Variants in ESCO1 observed in about 807,000 individuals in gnomAD.
ESCO1 encodes establishment of sister chromatid cohesion N-acetyltransferase 1.
A neutral mutation model predicts 83.5 loss-of-function variants in ESCO1; 33 were observed. The ratio of observed to expected loss-of-function variants is 0.40; its 90% CI spans 0.30 to 0.53. ESCO1 has a LOEUF of 0.53. Among genes scored for constraint, ESCO1 ranks in the 20% least tolerant of loss-of-function variants. The probability of loss-of-function intolerance (pLI) is 0.63; values close to 1 mark genes in which losing one functional copy is unlikely to be tolerated. For missense variants in ESCO1, 855 were observed against 968.0 expected, an observed-to-expected ratio of 0.88 and a Z score of 1.55; for synonymous variants, 332 against 324.3, an observed-to-expected ratio of 1.02 and a Z score of -0.25.
chr18:21,533,533 G>T (rs1327500013), intron 10 of ESCO1, among the ~76,000 whole-genome samples: 1 of 152,050 alleles, frequency 6.6e-6, no homozygotes, highest in Non-Finnish European at 1.5e-5. Context: ...TGGATTACAG[G>T]CATGAGCCAC....
chr18:21,592,320 GGCGGCCGGGCAGAGGCGCCCC>G (rs1379833680), intron 1 of ESCO1, among the ~76,000 whole-genome samples: 14 of 150,530 alleles, frequency 9.3e-5, no homozygotes, highest in Admixed American at 1.3e-4. Flanking sequence ...TCCCAGTAGG[GGCGGCCGGGCAGAGGCGCCCC>G]TCACCTCCCG....
rs558674267 is a variant in ESCO1, at chr18:21,582,295, T to A, written c.-694+2015A>T. Reference sequence around the variant, plus strand: ...TCCAAGCTGGAGTGCAATGGTGCAATCTTGGCTCACTGCATCCTCCGCCTC... The same window carrying A: ...TCCAAGCTGGAGTGCAATGGTGCAAACTTGGCTCACTGCATCCTCCGCCTC... On this transcript the variant is annotated intron_variant, in intron 2 of 11. Transcript: ENST00000269214. 9.9e-4 allele frequency among the ~76,000 whole-genome samples: 150 copies of A among 151,790 alleles called. 1 individual carries two copies. Among genetic ancestry groups the A allele is most frequent in the African/African-American group, 3.4e-3 (140 of 41,402 alleles).
intron 9 of ESCO1, among the ~76,000 whole-genome samples, chr18:21,537,468 G>C (rs2037851389): frequency 6.6e-6 from 1 of 152,182 alleles, no homozygotes; most frequent in African/African-American, 2.4e-5. Context: ...TCAGGAGTTT[G>C]AGGTTACAGT....
intron 8 of ESCO1, among the ~76,000 whole-genome samples, chr18:21,554,006 A>C (rs2038081148): frequency 6.6e-6 from 1 of 152,164 alleles, no homozygotes; most frequent in South Asian, 2.1e-4. Context: ...GACCTCACCT[A>C]AGAAGATATA....
intron 1 of ESCO1, among the ~76,000 whole-genome samples, chr18:21,596,100 T>G (rs915529722): frequency 6.6e-6 from 1 of 151,678 alleles, no homozygotes; most frequent in Non-Finnish European, 1.5e-5. Flanking sequence ...AATAGAAACC[T>G]TTCCTGGGCC....
chr18:21,573,597 C>A lies in ESCO1; in HGVS notation c.1247G>T (p.Gly416Val), dbSNP rs766428194. Residue 416 changes from glycine (G) to valine (V), a missense_variant, in exon 4 of 12, where the codon GGC (glycine) becomes GTC (valine). This residue lies in a region of ESCO1 where 726 missense variants were observed against 699.5 expected (regional missense o/e 1.04). Transcript: ENST00000269214. Reference protein sequence around the residue: ...KLDSQVSPKLGLLRTSFSPPA... With the variant: ...KLDSQVSPKLVLLRTSFSPPA... ...TGGTGAAAAACTGGTTCGTAATAAGCCTAATTTAGGGGAAACTTGAGAGTC... is the reference window on the plus strand; with the variant it reads ...TGGTGAAAAACTGGTTCGTAATAAGACTAATTTAGGGGAAACTTGAGAGTC... The A allele has an allele frequency of 6.2e-7, 1 of 1,614,048 alleles. No individual in the cohort carries two copies. Among genetic ancestry groups the A allele is most frequent in the Non-Finnish European group, 8.5e-7 (1 of 1,180,012 alleles).
chr18:21,572,985 C>G (rs2038360678), intron 4 of ESCO1, among the ~76,000 whole-genome samples: 1 of 151,786 alleles, frequency 6.6e-6, no homozygotes, highest in South Asian at 2.1e-4. Context: ...AAAGTAGTCC[C>G]TAAGAAACGT....
intron 8 of ESCO1, among the ~76,000 whole-genome samples, chr18:21,545,418 C>G (rs563021681): frequency 6.7e-6 from 1 of 150,308 alleles, no homozygotes. Context: ...ACTAAAAATA[C>G]AAAAATTAGC....
chr18:21,554,183 A>C (rs1271847674), intron 8 of ESCO1, among the ~76,000 whole-genome samples: 1 of 152,212 alleles, frequency 6.6e-6, no homozygotes, highest in Non-Finnish European at 1.5e-5. Context: ...ACTGTCATTA[A>C]TTGCAGATAG....
chr18:21,574,074 G>C lies in ESCO1; in HGVS notation c.770C>G (p.Pro257Arg), dbSNP rs747657575. The C allele has an allele frequency of 6.2e-7, 1 of 1,612,236 alleles. No individual in the cohort carries two copies. Among genetic ancestry groups the C allele is most frequent in the South Asian group, 1.1e-5 (1 of 91,064 alleles). Residue 257 changes from proline (P) to arginine (R), a missense_variant, in exon 4 of 12, where the codon CCG becomes CGG. By Grantham distance (103) the Pro-to-Arg change is moderately radical. Transcript: ENST00000269214. ...KRSKMATSVVPKKNEMKKSVH... is the reference protein window; with the variant it reads ...KRSKMATSVVRKKNEMKKSVH... The stretch of plus-strand genomic sequence containing the variant: ...CGACTTCTTCATCTCATTCTTTTTC[G>C]GGACCACTGAAGTAGCCATTTTTGA...
intron 4 of ESCO1, among the ~76,000 whole-genome samples, chr18:21,570,621 A>G (rs546814123): frequency 1.3e-5 from 2 of 152,350 alleles, no homozygotes; most frequent in Admixed American, 1.3e-4. Flanking sequence ...TAAAAACTGA[A>G]AAGATCCACA....
intron 8 of ESCO1, among the ~76,000 whole-genome samples, chr18:21,549,732 C>G (rs922297947): frequency 6.6e-6 from 1 of 151,980 alleles, no homozygotes; most frequent in African/African-American, 2.4e-5. Context: ...TTTGGGAGGC[C>G]GAGGCGGGTG....
chr18:21,555,287 C>A (rs756343758), intron 8 of ESCO1, among the ~76,000 whole-genome samples: 1 of 152,126 alleles, frequency 6.6e-6, no homozygotes, highest in Non-Finnish European at 1.5e-5. Context: ...ATAAGCAAAG[C>A]AGAATTTTTA....
chr18:21,535,715 A>G (rs1452814958), intron 10 of ESCO1, among the ~76,000 whole-genome samples: 2 of 152,076 alleles, frequency 1.3e-5, no homozygotes, highest in African/African-American at 4.8e-5. Context: ...ACAGGTTTTC[A>G]CAATGTTGGC....
At chr18:21,540,126 C>G (rs550175614) in intron 8 of ESCO1, 117 bp from the exon 9 acceptor site, 2 of 931,708 alleles carry the variant, frequency 2.1e-6, no homozygotes, top group Non-Finnish European at 3.2e-6. Flanking sequence ...AAATTGCAAA[C>G]ATGAAAAATA....
chr18:21,599,030 T>C (rs965428257), intron 1 of ESCO1, among the ~76,000 whole-genome samples: 1 of 151,866 alleles, frequency 6.6e-6, no homozygotes, highest in Non-Finnish European at 1.5e-5. Flanking sequence ...ATTGATTAGA[T>C]TTTTTGCTTT....
intron 8 of ESCO1, among the ~76,000 whole-genome samples, chr18:21,557,387 T>A (rs1267442613): frequency 6.6e-6 from 1 of 152,248 alleles, no homozygotes; most frequent in Non-Finnish European, 1.5e-5. Flanking sequence ...CAATCATAGA[T>A]GACTATCTAT....
intron 2 of ESCO1, among the ~76,000 whole-genome samples, chr18:21,580,925 G>T (rs1275420241): frequency 3.9e-5 from 6 of 152,192 alleles, no homozygotes; most frequent in African/African-American, 1.4e-4. Context: ...AGGAGGCGGA[G>T]GTTGCGGTAA....
intron 1 of ESCO1, among the ~76,000 whole-genome samples, chr18:21,591,859 G>T (rs866505777): frequency 2.0e-5 from 3 of 151,448 alleles, no homozygotes; most frequent in Middle Eastern, 3.4e-3. Context: ...AGATTAGGGA[G>T]TGGTGATGAC....
Sources: gnomAD v4.1 joint callset for allele counts (sites outside exome capture counted in the v4.1 genomes callset) on GRCh38, gnomAD v4.1.1 for gene constraint, gnomAD v4.1.1 regional missense constraint, MANE v1.5 for transcripts, NCBI Gene and HGNC (gene_info 2026-07-23, HGNC 2026-07-21) for gene names.